The following AGPS variants were observed in gnomAD, a reference collection of about 807,000 sequenced individuals.
The protein encoded by AGPS is alkyldihydroxyacetonephosphate synthase, peroxisomal.
In AGPS, 26 loss-of-function variants were observed where a neutral mutation model predicts 90.7. The ratio of observed to expected loss-of-function variants is 0.29; its 90% CI spans 0.21 to 0.40. The LOEUF (loss-of-function observed/expected upper bound fraction) is 0.40. Ranked by LOEUF, AGPS falls within the 10% of genes least tolerant of loss-of-function variation. The pLI, the probability that AGPS is intolerant of heterozygous loss-of-function variation, is 1.00. For synonymous variants in AGPS, 294 were observed against 285.3 expected (o/e 1.03, Z -0.31); for missense variants, 540 against 816.1 (o/e 0.66, Z 4.12).
chr2:177,482,295 T>A, intron 11 of AGPS, 109 bp downstream of exon 11: 2 of 606,540 alleles, frequency 3.3e-6, no homozygotes, highest in Non-Finnish European at 5.2e-6. Context: ...TAATCTTCAT[T>A]TTTAGTTGTA....
At chr2:177,481,792 CCTT>C (rs1687953619) in intron 10 of AGPS, among the ~76,000 whole-genome samples, 1 of 151,734 alleles carries the variant, frequency 6.6e-6, no homozygotes, top group African/African-American at 2.4e-5. Flanking sequence ...TTAAAAGTAA[CCTT>C]CTTGGAGAAA....
In AGPS at chr2:177,512,098, C is replaced by T. The variant is rs1473167415; in HGVS notation, c.1608-1721C>T. Among the ~76,000 whole-genome samples, 8 of 151,870 alleles carry T rather than the reference C, an allele frequency of 5.3e-5. No individual in the cohort carries two copies. The South Asian group carries it at 1.7e-3, about 32-fold the overall frequency. Reference sequence around the variant, plus strand: ...CTAGAGCCAACATAAAGAACTTGTTCCAAAGAAAAGAACTTACTACTTTTA... The same window carrying T: ...CTAGAGCCAACATAAAGAACTTGTTTCAAAGAAAAGAACTTACTACTTTTA... On this transcript the variant is annotated intron_variant, in intron 16 of 19. Transcript: ENST00000264167.
At chr2:177,455,843 A>G (rs528914636) in intron 8 of AGPS, among the ~76,000 whole-genome samples, 1 of 152,026 alleles carries the variant, frequency 6.6e-6, no homozygotes, top group South Asian at 2.1e-4. Context: ...ACCATAATTT[A>G]GGGATTTTTT....
At chr2:177,437,957 G>A (rs1390150078) in intron 5 of AGPS, among the ~76,000 whole-genome samples, 1 of 152,084 alleles carries the variant, frequency 6.6e-6, no homozygotes, top group Non-Finnish European at 1.5e-5. Context: ...CTATGCATTT[G>A]GAATATTTAT....
intron 11 of AGPS, among the ~76,000 whole-genome samples, chr2:177,485,960 C>G (rs1162640163): frequency 6.6e-6 from 1 of 151,894 alleles, no homozygotes; most frequent in Non-Finnish European, 1.5e-5. Flanking sequence ...TATCTTGGAA[C>G]AAAATAAAGA....
chr2:177,398,401 T>C (rs1685243333), intron 1 of AGPS, among the ~76,000 whole-genome samples: 1 of 152,284 alleles, frequency 6.6e-6, no homozygotes, highest in East Asian at 1.9e-4. Flanking sequence ...ACACAACAGC[T>C]CTGAAAAATG....
intron 15 of AGPS, among the ~76,000 whole-genome samples, chr2:177,505,802 G>A (rs569050615): frequency 1.1e-4 from 16 of 151,912 alleles, no homozygotes; most frequent in African/African-American, 3.9e-4. Flanking sequence ...ATGTCTTTCT[G>A]CTCTTTAAAA....
rs921891283 is a variant in AGPS at position 177,472,266 on chromosome 2, GT to G, written c.1105+3752del. Among the ~76,000 whole-genome samples, 663 of 140,160 alleles carry G rather than the reference GT, an allele frequency of 4.7e-3. 3 individuals carry two copies. Among genetic ancestry groups the G allele is most frequent in the African/African-American group, 0.016 (614 of 38,262 alleles). The allele number at this position is 140,160 out of a possible 152,430, so 92.0% of individuals were successfully genotyped here. A position where few individuals can be genotyped will look rare whatever the true frequency, so the allele number is the denominator to read the frequency against. The stretch of plus-strand genomic sequence containing the variant: ...TTTCATTCTCTTGATTATTTTTCTG[GT>G]TTTTTTTTTCAATGCCCTGTATTAA... On this transcript the variant is annotated intron_variant, in intron 10 of 19. Coordinates refer to ENST00000264167, the MANE Select transcript of AGPS (RefSeq NM_003659.4).
chr2:177,416,334 A>T (rs1353894268), intron 1 of AGPS, among the ~76,000 whole-genome samples: 1 of 152,224 alleles, frequency 6.6e-6, no homozygotes, highest in East Asian at 1.9e-4. Context: ...TCATGTACAT[A>T]TCATGGGAGA....
At position 177,539,607 on chromosome 2, in the gene AGPS, A is replaced by G. The variant is rs2079213995; in HGVS notation, c.*1412A>G. ...GTCTGTGTATGTAGCAACAGCTCCA[A>G]AGTATTTTTGGGCAGTTTGATACCT... On this transcript the variant is annotated 3_prime_UTR_variant, in exon 20 of 20. Transcript: ENST00000264167. 1 of 152,046 alleles carries G rather than the reference A, an allele frequency of 6.6e-6. No homozygotes were observed. The highest frequency in any genetic ancestry group is 1.5e-5 in the Non-Finnish European group (1 of 67,924). 9.4% of individuals were successfully genotyped at this position (152,046 alleles called of 1,614,324 possible). A position where few individuals can be genotyped will look rare whatever the true frequency, so the allele number is the denominator to read the frequency against.
intron 19 of AGPS, among the ~76,000 whole-genome samples, chr2:177,527,599 C>CA (rs2079100208): frequency 6.6e-6 from 1 of 151,706 alleles, no homozygotes; most frequent in Non-Finnish European, 1.5e-5. Flanking sequence ...TTTATACTTC[C>CA]TGATAGTAGG....
chr2:177,500,918 CAT>C (rs1688544553), intron 14 of AGPS, among the ~76,000 whole-genome samples: 2 of 152,150 alleles, frequency 1.3e-5, no homozygotes, highest in African/African-American at 4.8e-5. Context: ...TTGAAATGTA[CAT>C]GTTTTCCTTC....
rs1688986325 is a variant in AGPS at position 177,515,183 on chromosome 2, C to T, written c.1697+1275C>T. On this transcript the variant is annotated intron_variant, in intron 17 of 19. Transcript: ENST00000264167. Reference sequence around the variant, plus strand: ...ATTTTAAATTTGGGGGTATCTTTAACAATGCACCTTTTATCTTAAAGTCCT... The same window carrying T: ...ATTTTAAATTTGGGGGTATCTTTAATAATGCACCTTTTATCTTAAAGTCCT... Among the ~76,000 whole-genome samples the T allele has an allele frequency of 3.3e-5, 5 of 151,834 alleles. 1 individual carries two copies. In the South Asian group the frequency reaches 1.0e-3, roughly 31 times the overall value.
intron 8 of AGPS, among the ~76,000 whole-genome samples, chr2:177,446,576 A>G (rs552630898): frequency 1.3e-5 from 2 of 152,120 alleles, no homozygotes; most frequent in Non-Finnish European, 2.9e-5. Flanking sequence ...AGCCAGGAAA[A>G]CATGAAGAGT....
chr2:177,440,548 A>G (rs940150389), intron 5 of AGPS, among the ~76,000 whole-genome samples: 1 of 152,160 alleles, frequency 6.6e-6, no homozygotes, highest in Admixed American at 6.5e-5. Context: ...TTTAAAGAAG[A>G]CACAAGGCAA....
intron 2 of AGPS, among the ~76,000 whole-genome samples, chr2:177,430,758 C>T (rs141453610): frequency 1.1e-3 from 167 of 152,250 alleles, no homozygotes; most frequent in African/African-American, 3.8e-3. Context: ...TCATTCTTCT[C>T]CATGACAGCT....
intron 14 of AGPS, among the ~76,000 whole-genome samples, chr2:177,504,679 A>G (rs1688657666): frequency 1.3e-5 from 2 of 152,228 alleles, no homozygotes; most frequent in Admixed American, 6.5e-5. Context: ...AGAAGAAAAT[A>G]TTTAATTATA....
chr2:177,490,202 G>A (rs973509522), intron 11 of AGPS, among the ~76,000 whole-genome samples: 1 of 152,070 alleles, frequency 6.6e-6, no homozygotes, highest in African/African-American at 2.4e-5. Flanking sequence ...ATTAACTGTA[G>A]TGGTAACTTT....
In AGPS at chr2:177,495,880, T is replaced by C. The variant is rs1688397893; in HGVS notation, c.1286-1809T>C. Among the ~76,000 whole-genome samples, 4 of 130,136 alleles carry C rather than the reference T, an allele frequency of 3.1e-5. No individual in the cohort carries two copies. The South Asian group carries it at 9.8e-4, about 32-fold the overall frequency. The allele number at this position is 130,136 out of a possible 152,430, so 85.4% of individuals were successfully genotyped here. A position where few individuals can be genotyped will look rare whatever the true frequency, so the allele number is the denominator to read the frequency against. On this transcript the variant is annotated intron_variant, in intron 12 of 19. Coordinates refer to ENST00000264167, the MANE Select transcript of AGPS (RefSeq NM_003659.4). The stretch of plus-strand genomic sequence containing the variant: ...TTGCTGTGAGCCGAGATCACACCAC[T>C]ACTCTCCAGCCTGGGTGACACAGTG...
Sources: gnomAD v4.1 joint callset for allele counts (sites outside exome capture counted in the v4.1 genomes callset) on GRCh38, gnomAD v4.1.1 for gene constraint, MANE v1.5 for transcripts, NCBI Gene and HGNC (gene_info 2026-07-23, HGNC 2026-07-21) for gene names.